ZHX3: variants seen among roughly 807,000 people sequenced by gnomAD.
The protein encoded by ZHX3 is zinc fingers and homeoboxes 3.
Under a neutral mutation model 64.5 loss-of-function variants are expected in ZHX3, and 20 were observed. The ratio of observed to expected loss-of-function variants is 0.31; its 90% CI spans 0.22 to 0.45. The LOEUF is 0.45. Among genes scored for constraint, ZHX3 ranks in the 20% least tolerant of loss-of-function variants. The pLI is 1.00. For missense variants in ZHX3, 1,041 were observed against 1,195.8 expected (o/e 0.87, Z 1.91); for synonymous variants, 423 against 461.6 (o/e 0.92, Z 1.07).
intron 1 of ZHX3, among the ~76,000 whole-genome samples, chr20:41,269,713 TTA>T (rs907893383): frequency 2.6e-5 from 4 of 152,182 alleles, no homozygotes; most frequent in African/African-American, 9.7e-5. Context: ...TCTTGAAGAA[TTA>T]TCTTTGATTG....
chr20:41,188,927 A>G (rs964910295), intron 3 of ZHX3, among the ~76,000 whole-genome samples: 1 of 152,200 alleles, frequency 6.6e-6, no homozygotes, highest in African/African-American at 2.4e-5. Flanking sequence ...GCTCAGACCA[A>G]TGTCCTGAAG....
chr20:41,221,641 G>T (rs1600825447), intron 2 of ZHX3, among the ~76,000 whole-genome samples: 1 of 152,334 alleles, frequency 6.6e-6, no homozygotes, highest in African/African-American at 2.4e-5. Context: ...GCATAGCAGT[G>T]AAAGGCTGAA....
intron 2 of ZHX3, among the ~76,000 whole-genome samples, chr20:41,243,056 G>C (rs762028192): frequency 1.3e-5 from 2 of 152,180 alleles, no homozygotes; most frequent in Non-Finnish European, 2.9e-5. Context: ...GCAGACTTCT[G>C]GGTACCCAGG....
intron 2 of ZHX3, among the ~76,000 whole-genome samples, chr20:41,214,220 C>T (rs2039362028): frequency 6.6e-6 from 1 of 152,208 alleles, no homozygotes; most frequent in Non-Finnish European, 1.5e-5. Flanking sequence ...GCAGCAGTGG[C>T]AGCCACAGCC....
intron 2 of ZHX3, among the ~76,000 whole-genome samples, chr20:41,268,501 AT>A (rs2042972048): frequency 6.6e-6 from 1 of 152,202 alleles, no homozygotes; most frequent in Admixed American, 6.5e-5. Flanking sequence ...ACACTAGATC[AT>A]TTTTTAAAAG....
chr20:41,255,074 T>C (rs1227894024), intron 2 of ZHX3, among the ~76,000 whole-genome samples: 2 of 152,028 alleles, frequency 1.3e-5, no homozygotes, highest in African/African-American at 4.8e-5. Flanking sequence ...GCCACCCTAC[T>C]AGAGTTTAAT....
At chr20:41,216,338 A>G (rs1275229926) in intron 2 of ZHX3, among the ~76,000 whole-genome samples, 1 of 152,232 alleles carries the variant, frequency 6.6e-6, no homozygotes, top group Non-Finnish European at 1.5e-5. Context: ...TCGGAAAGAA[A>G]GAAAAGTGAA....
intron 2 of ZHX3, among the ~76,000 whole-genome samples, chr20:41,233,251 C>G (rs766265128): frequency 3.3e-5 from 5 of 152,220 alleles, no homozygotes; most frequent in Non-Finnish European, 5.9e-5. Flanking sequence ...TAAGCAACAC[C>G]TAAATGGGGG....
rs2038252747 is a variant in ZHX3 at position 41,201,922 on chromosome 20, AGCCAG to A, written c.2860+130_2860+134del. 4.6e-6 allele frequency: 5 copies of A among 1,079,072 alleles called. No homozygotes were observed. The highest frequency in any genetic ancestry group is 6.4e-6 in the Non-Finnish European group (5 of 779,326). The allele number at this position is 1,079,072 out of a possible 1,614,324, so 66.8% of individuals were successfully genotyped here. On this transcript the variant is annotated intron_variant, in intron 3 of 3. Coordinates refer to ENST00000683867, the MANE Select transcript of ZHX3 (RefSeq NM_001384317.1). The surrounding 1 kb of genome is among the most constrained non-coding windows in gnomAD (Gnocchi z 5.0). ...TCTGCTGCTAGTTGTCCTCTGAAGC[AGCCAG>A]GCGGTTAATGCTGCTGCCAGGCAGC...
chr20:41,248,536 T>C (rs2041826804), intron 2 of ZHX3, among the ~76,000 whole-genome samples: 1 of 152,172 alleles, frequency 6.6e-6, no homozygotes, highest in Non-Finnish European at 1.5e-5. Flanking sequence ...AATTCCACAA[T>C]ATTCCTGTTT....
intron 2 of ZHX3, among the ~76,000 whole-genome samples, chr20:41,233,275 A>G (rs1007563768): frequency 2.0e-5 from 3 of 152,210 alleles, no homozygotes; most frequent in African/African-American, 7.2e-5. Flanking sequence ...TCCCTTAGAC[A>G]TTCTCCCTGC....
At chr20:41,190,531 A>G (rs528229411) in intron 3 of ZHX3, among the ~76,000 whole-genome samples, 32 of 151,944 alleles carry the variant, frequency 2.1e-4, no homozygotes, top group Non-Finnish European at 3.8e-4. Context: ...GTTGTTTTAT[A>G]TATTTTTTTC....
At chr20:41,289,150 C>T (rs2044093992) in intron 1 of ZHX3, among the ~76,000 whole-genome samples, 1 of 151,840 alleles carries the variant, frequency 6.6e-6, no homozygotes, top group Non-Finnish European at 1.5e-5. Flanking sequence ...CATGTCATGT[C>T]CAGTTAATTT....
At chr20:41,302,141 A>G (rs1000199908) in intron 1 of ZHX3, among the ~76,000 whole-genome samples, 13 of 150,496 alleles carry the variant, frequency 8.6e-5, no homozygotes, top group Non-Finnish European at 1.9e-4. Flanking sequence ...CCTCAAATCA[A>G]CTTCTTCAGA....
In ZHX3 at chr20:41,204,377, G is replaced by T; in HGVS notation, c.540C>A (p.Ile180=). ...AEGADGQAEI[I]ITKTPIMKIM... ...TCTTCATGATTGGAGTTTTGGTAAT[G>T]ATGATTTCTGCCTGTCCATCAGCCC... is the stretch of plus-strand genomic sequence containing the variant. The change falls in exon 3 of 4, where the codon ATC becomes ATA. Residue 180 remains isoleucine (I), a synonymous_variant. Coordinates refer to ENST00000683867, the MANE Select transcript of ZHX3 (RefSeq NM_001384317.1). The surrounding 1 kb of genome is among the most constrained non-coding windows in gnomAD (Gnocchi z 6.6). 1 of 1,614,208 alleles carries T rather than the reference G, an allele frequency of 6.2e-7. No homozygotes were observed. The highest frequency in any genetic ancestry group is 1.1e-5 in the South Asian group (1 of 91,084).
chr20:41,302,982 G>A (rs2044868513), intron 1 of ZHX3, among the ~76,000 whole-genome samples: 1 of 152,254 alleles, frequency 6.6e-6, no homozygotes, highest in South Asian at 2.1e-4. Context: ...AAAGCCTGGA[G>A]CTAGGATTAG....
rs536253457 is a variant in ZHX3 at position 41,257,210 on chromosome 20, G to T, written c.-151+11780C>A. Among the ~76,000 whole-genome samples the T allele has an allele frequency of 1.1e-4, 17 of 152,334 alleles. No individual in the cohort carries two copies. In the East Asian group the frequency reaches 3.1e-3, roughly 28 times the overall value. ...AGCAAACACTGAGGCAACATCTTCA[G>T]AGAACTTAAGGCTACTAAGTGGTAT... is the stretch of plus-strand genomic sequence containing the variant. On this transcript the variant is annotated intron_variant, in intron 2 of 3. Coordinates refer to ENST00000683867, the MANE Select transcript of ZHX3 (RefSeq NM_001384317.1).
At chr20:41,235,577 A>C (rs6029584) in intron 2 of ZHX3, among the ~76,000 whole-genome samples, 4,019 of 151,992 alleles carry the variant, frequency 0.026, 60 homozygotes, top group African/African-American at 0.04. Flanking sequence ...AACAGCCCTT[A>C]ATGCTAAAAA....
At position 41,232,876 on chromosome 20, in the gene ZHX3, C is replaced by T. The variant is rs1250876666; in HGVS notation, c.-150-27810G>A. Among the ~76,000 whole-genome samples the T allele has an allele frequency of 6.6e-5, 10 of 152,220 alleles. No homozygotes were observed. The highest frequency in any genetic ancestry group is 1.9e-4 in the African/African-American group (8 of 41,464). On this transcript the variant is annotated intron_variant, in intron 2 of 3. Coordinates refer to ENST00000683867, the MANE Select transcript of ZHX3 (RefSeq NM_001384317.1). This position sits in a 1 kb window ranked among gnomAD's most constrained non-coding sequence, Gnocchi z 5.0. ...CTGGGATTACAGGCATGAGCCACCA[C>T]GCCCGGCTGGAAAATTCTTGATATG...
Sources: gnomAD v4.1 joint callset for allele counts (sites outside exome capture counted in the v4.1 genomes callset) on GRCh38, gnomAD v4.1.1 for gene constraint, Gnocchi (gnomAD v3.1) non-coding constraint, MANE v1.5 for transcripts, NCBI Gene and HGNC (gene_info 2026-07-23, HGNC 2026-07-21) for gene names.